TNRC6A: variants seen among roughly 807,000 people sequenced by gnomAD.
TNRC6A encodes trinucleotide repeat containing adaptor 6A, also known as trinucleotide repeat-containing gene 6A protein.
A neutral mutation model predicts 221.2 loss-of-function variants in TNRC6A; 44 were observed. That is an observed-to-expected ratio of 0.20 (90% confidence interval 0.16 to 0.26). TNRC6A has a LOEUF of 0.26. Ranked by LOEUF, TNRC6A falls within the 10% of genes least tolerant of loss-of-function variation. TNRC6A has a pLI of 1.00. For synonymous variants in TNRC6A, 847 were observed against 838.5 expected (o/e 1.01, Z -0.18); for missense variants, 2,199 against 2,404.4 (o/e 0.91, Z 1.79).
At chr16:24,709,603 C>G (rs531669144) in intron 2 of TNRC6A, among the ~76,000 whole-genome samples, 24 of 151,924 alleles carry the variant, frequency 1.6e-4, no homozygotes, top group Non-Finnish European at 4.4e-5. Context: ...GTAGGTGGAT[C>G]GCTTAGAGGC....
intron 18 of TNRC6A, among the ~76,000 whole-genome samples, chr16:24,814,332 A>G (rs1181009793): frequency 6.6e-6 from 1 of 151,622 alleles, no homozygotes; most frequent in Non-Finnish European, 1.5e-5. Context: ...CTCAAATTCA[A>G]CATGAATGGA....
intron 2 of TNRC6A, among the ~76,000 whole-genome samples, chr16:24,724,588 A>G (rs181986257): frequency 8.5e-4 from 130 of 152,264 alleles, no homozygotes; most frequent in Middle Eastern, 3.4e-3. Context: ...TCTACAAAAA[A>G]TACAAAAAGT....
chr16:24,776,715 G>C, intron 4 of TNRC6A: 1 of 985,448 alleles, frequency 1.0e-6, no homozygotes, highest in Non-Finnish European at 1.2e-6. Flanking sequence ...AGGTCCCTGG[G>C]CCCTTATTGG....
intron 1 of TNRC6A, among the ~76,000 whole-genome samples, chr16:24,640,385 G>T (rs1365687967): frequency 1.4e-5 from 2 of 144,530 alleles, no homozygotes; most frequent in Non-Finnish European, 3.0e-5. Context: ...GGGTGACAAA[G>T]TAAAATCCTG....
rs746885209 is a variant in TNRC6A, at chr16:24,797,581, T to C, written c.3642+11T>C. On this transcript the variant is annotated intron_variant, in intron 10 of 24. Coordinates refer to ENST00000395799, the MANE Select transcript of TNRC6A (RefSeq NM_014494.4). ...AACATCAGTTTTTCGGTAAGTATGTTTTCTTAGCAGCTCCTTCCTCTTTTA... is the reference window on the plus strand; with the variant it reads ...AACATCAGTTTTTCGGTAAGTATGTCTTCTTAGCAGCTCCTTCCTCTTTTA... The C allele has an allele frequency of 3.4e-5, 54 of 1,588,998 alleles. No individual in the cohort carries two copies. The highest frequency in any genetic ancestry group is 4.6e-5 in the Non-Finnish European group (53 of 1,161,532).
chr16:24,631,141 G>A (rs1901313752), intron 1 of TNRC6A, among the ~76,000 whole-genome samples: 1 of 152,202 alleles, frequency 6.6e-6, no homozygotes, highest in African/African-American at 2.4e-5. Flanking sequence ...ATATGCATTT[G>A]TCAAGGTAGG....
At chr16:24,635,296 T>G (rs548817152) in intron 1 of TNRC6A, among the ~76,000 whole-genome samples, 146 of 152,002 alleles carry the variant, frequency 9.6e-4, no homozygotes, top group African/African-American at 3.4e-3. Context: ...CTTATATATT[T>G]ATTTGTTTAT....
chr16:24,726,420 G>A (rs189919), upstream of TNRC6A, among the ~76,000 whole-genome samples: 128,794 of 150,758 alleles, frequency 0.85, 55,248 homozygotes, highest in African/African-American at 0.92. Flanking sequence ...TATACTGTCA[G>A]GATGGCCTAG....
intron 16 of TNRC6A, 110 bp downstream of exon 16, chr16:24,806,393 A>C: frequency 4.2e-6 from 6 of 1,428,246 alleles, no homozygotes; most frequent in Non-Finnish European, 5.8e-6. Context: ...TCTTACTAAG[A>C]TGTAATGCAG....
Position 24,790,005 on chromosome 16 carries a change from A to C in TNRC6A, c.1363A>C (p.Asn455His). Residue 455 changes from asparagine (N) to histidine (H), a missense_variant, in exon 6 of 25, where the codon AAC becomes CAC. By Grantham distance (68) the Asn-to-His change is moderately conservative. Around this residue, in one of 8 missense-constraint regions of TNRC6A, gnomAD observed 1,405 missense variants for 1,400.2 expected, o/e 1.00. Coordinates refer to ENST00000395799, the MANE Select transcript of TNRC6A (RefSeq NM_014494.4). ...NITTEMTGPN[N>H]TTNFMTSSLP... is the part of the protein sequence containing the mutation. ...TACCACTGAAATGACTGGACCAAAT[A>C]ACACTACTAACTTTATGACCTCTAG... 1 of 1,614,216 alleles carries C rather than the reference A, an allele frequency of 6.2e-7. No individual in the cohort carries two copies. The highest frequency in any genetic ancestry group is 8.5e-7 in the Non-Finnish European group (1 of 1,180,038).
At position 24,685,648 on chromosome 16, in the gene TNRC6A, T is replaced by C. The variant is rs116385571; in HGVS notation, n.402+44639T>C. On this transcript the variant is annotated intron_variant and non_coding_transcript_variant, in intron 2 of 2. Transcript: ENST00000566108. ...ACCACCGTGCGCAGCCACATTGTAT[T>C]ATTCAGCACAATGATCTATTGCCCA... Among the ~76,000 whole-genome samples, 562 of 152,304 alleles carry C rather than the reference T, an allele frequency of 3.7e-3. 5 individuals carry two copies. The highest frequency in any genetic ancestry group is 0.013 in the African/African-American group (545 of 41,566).
chr16:24,623,901 CAAAAAAAAAAAA>C (rs67546745), intron 1 of TNRC6A, among the ~76,000 whole-genome samples: 17 of 55,190 alleles, frequency 3.1e-4, no homozygotes, highest in African/African-American at 1.0e-3. Context: ...GACCCTGTCT[CAAAAAAAAAAAA>C]AAAAAAAAAA....
At chr16:24,678,635 G>C (rs188978538) in intron 2 of TNRC6A, among the ~76,000 whole-genome samples, 14 of 152,252 alleles carry the variant, frequency 9.2e-5, no homozygotes, top group Admixed American at 3.9e-4. Flanking sequence ...AGCCTGGGAG[G>C]TCAAAGCTGC....
At chr16:24,686,165 C>T (rs914761126) in intron 2 of TNRC6A, among the ~76,000 whole-genome samples, 7 of 152,136 alleles carry the variant, frequency 4.6e-5, no homozygotes, top group South Asian at 4.1e-4. Flanking sequence ...CATGGCAACG[C>T]GATTTCCTGT....
intron 2 of TNRC6A, among the ~76,000 whole-genome samples, chr16:24,645,834 CAAAAAAAAAAAAAAAAAAA>C (rs36106864): frequency 7.5e-5 from 2 of 26,624 alleles, no homozygotes; most frequent in Non-Finnish European, 1.4e-4. Flanking sequence ...CCTGTATCTA[CAAAAAAAAAAAAAAAAAAA>C]AAAAAAAAAA....
rs377571984 is a variant in TNRC6A, at chr16:24,791,323, G to A, written c.2681G>A (p.Ser894Asn). 1.3e-5 allele frequency: 21 copies of A among 1,607,428 alleles called. No individual in the cohort carries two copies. The highest frequency in any genetic ancestry group is 1.2e-4 in the African/African-American group (9 of 74,732). ...VSGWNELGKT[S>N]SFTWGNNINP... ...GGTTGGAACGAACTTGGTAAAACTA[G>A]TTCTTTCACTTGGGGAAACAACATA... The change falls in exon 6 of 25, where the codon AGT becomes AAT. Residue 894 changes from serine (S) to asparagine (N), a missense_variant. Ser to Asn is a conservative substitution (Grantham distance 46). Around this residue, in one of 8 missense-constraint regions of TNRC6A, gnomAD observed 1,405 missense variants for 1,400.2 expected, o/e 1.00. Coordinates refer to ENST00000395799, the MANE Select transcript of TNRC6A (RefSeq NM_014494.4).
At chr16:24,623,901 C>CAAAAAAAAAAAAAAAAA (rs67546745) in intron 1 of TNRC6A, among the ~76,000 whole-genome samples, 1 of 55,160 alleles carries the variant, frequency 1.8e-5, no homozygotes, top group Non-Finnish European at 3.0e-5. Flanking sequence ...GACCCTGTCT[C>CAAAAAAAAAAAAAAAAA]AAAAAAAAAA....
chr16:24,749,629 T>C (rs2057091845), intron 2 of TNRC6A, among the ~76,000 whole-genome samples: 1 of 152,232 alleles, frequency 6.6e-6, no homozygotes, highest in South Asian at 2.1e-4. Flanking sequence ...TATTTCAGAC[T>C]GCTCTTATGT....
intron 1 of TNRC6A, among the ~76,000 whole-genome samples, chr16:24,618,969 T>C (rs1025821284): frequency 2.0e-4 from 31 of 152,150 alleles, no homozygotes; most frequent in African/African-American, 7.2e-4. Context: ...GTAGTTCATA[T>C]ATAAAAGCTA....
Sources: gnomAD v4.1 joint callset for allele counts (sites outside exome capture counted in the v4.1 genomes callset) on GRCh38, gnomAD v4.1.1 for gene constraint, gnomAD v4.1.1 regional missense constraint, MANE v1.5 for transcripts, NCBI Gene and HGNC (gene_info 2026-07-23, HGNC 2026-07-21) for gene names.